LIX1: variants seen among roughly 807,000 people sequenced by gnomAD.
LIX1 encodes limb and CNS expressed 1, also known as protein limb expression 1 homolog.
Under a neutral mutation model 33.4 loss-of-function variants are expected in LIX1, and 24 were observed. The observed-to-expected ratio is 0.72, with a 90% CI of 0.52 to 1.01. LIX1 has a LOEUF of 1.01. LIX1 is among the 50% of genes least tolerant of loss of function. LIX1 has a pLI of 0.00. For synonymous variants in LIX1, 124 were observed against 124.0 expected, an observed-to-expected ratio of 1.00 and a Z score of 0.00; for missense variants, 311 against 339.2, an observed-to-expected ratio of 0.92 and a Z score of 0.65.
In LIX1 at chr5:97,142,610, G is replaced by C; in HGVS notation, c.-34C>G. On this transcript the variant is annotated 5_prime_UTR_variant, in exon 1 of 6. Coordinates refer to ENST00000274382, the MANE Select transcript of LIX1 (RefSeq NM_153234.5). ...TGCCTGTGTGAGCCTCCTGTACAGA[G>C]TGTCCTCATGCCTGAATTCTTGCAG... 1 of 1,530,488 alleles carries C rather than the reference G, an allele frequency of 6.5e-7. No individual in the cohort carries two copies. Among genetic ancestry groups the C allele is most frequent in the Non-Finnish European group, 9.1e-7 (1 of 1,104,292 alleles). 94.8% of individuals were successfully genotyped at this position (1,530,488 alleles called of 1,614,324 possible). A position where few individuals can be genotyped will look rare whatever the true frequency, so the allele number is the denominator to read the frequency against.
At chr5:97,135,435 A>G (rs1748151018) in intron 1 of LIX1, among the ~76,000 whole-genome samples, 1 of 152,240 alleles carries the variant, frequency 6.6e-6, no homozygotes, top group East Asian at 1.9e-4. Flanking sequence ...AAAGCTGCAT[A>G]AAATAGAAGC....
At chr5:97,127,648 C>T (rs1218947401) in intron 1 of LIX1, among the ~76,000 whole-genome samples, 2 of 152,140 alleles carry the variant, frequency 1.3e-5, no homozygotes, top group African/African-American at 4.8e-5. Context: ...GTAGCATCAA[C>T]AAGGTTTGTG....
intron 4 of LIX1, among the ~76,000 whole-genome samples, chr5:97,102,306 G>A (rs1006223495): frequency 6.6e-6 from 1 of 151,952 alleles, no homozygotes; most frequent in African/African-American, 2.4e-5. Flanking sequence ...GAATTGCTGT[G>A]TTGGCTGCAG....
chr5:97,111,467 G>A (rs745945174), intron 2 of LIX1, among the ~76,000 whole-genome samples: 14 of 152,128 alleles, frequency 9.2e-5, no homozygotes, highest in Non-Finnish European at 1.5e-4. Flanking sequence ...TTTTGCCTGA[G>A]CGTAGGGTAT....
intron 1 of LIX1, among the ~76,000 whole-genome samples, chr5:97,139,837 A>T (rs1435817090): frequency 6.6e-6 from 1 of 152,272 alleles, no homozygotes; most frequent in East Asian, 1.9e-4. Context: ...AAGAGAAAAT[A>T]AAAAAAGAAA....
In LIX1 at chr5:97,104,996, G is replaced by A. The variant is rs973289959; in HGVS notation, c.483+194C>T. On this transcript the variant is annotated intron_variant, in intron 4 of 5. Coordinates refer to ENST00000274382, the MANE Select transcript of LIX1 (RefSeq NM_153234.5). ...AAAGCAAAGATTGTTTCCTGATTGC[G>A]TGTTTGTTTACGCCTATGATGTGTG... is the stretch of plus-strand genomic sequence containing the variant. Among the ~76,000 whole-genome samples the A allele has an allele frequency of 5.9e-5, 9 of 152,260 alleles. No individual in the cohort carries two copies. In the South Asian group the frequency reaches 1.0e-3, roughly 18 times the overall value.
At chr5:97,110,778 G>A (rs1401154344) in intron 2 of LIX1, among the ~76,000 whole-genome samples, 1 of 152,110 alleles carries the variant, frequency 6.6e-6, no homozygotes, top group African/African-American at 2.4e-5. Context: ...GTTGAATGAA[G>A]AATGGAGCTA....
intron 2 of LIX1, among the ~76,000 whole-genome samples, chr5:97,109,385 C>T (rs918773796): frequency 2.0e-5 from 3 of 152,036 alleles, no homozygotes; most frequent in African/African-American, 4.8e-5. Context: ...TCCTGAGTAG[C>T]TGGGTCTACA....
chr5:97,138,359 G>A (rs550758456), intron 1 of LIX1, among the ~76,000 whole-genome samples: 3 of 152,316 alleles, frequency 2.0e-5, no homozygotes, highest in Non-Finnish European at 4.4e-5. Flanking sequence ...TCATAGGCAT[G>A]TTTGACATTT....
At chr5:97,116,439 G>A (rs923750106) in intron 2 of LIX1, among the ~76,000 whole-genome samples, 2 of 151,920 alleles carry the variant, frequency 1.3e-5, no homozygotes, top group Non-Finnish European at 2.9e-5. Context: ...GCTAGGTGTG[G>A]GGGAGGGGAC....
chr5:97,113,960 T>G (rs1747547984), intron 2 of LIX1, among the ~76,000 whole-genome samples: 1 of 152,192 alleles, frequency 6.6e-6, no homozygotes, highest in Non-Finnish European at 1.5e-5. Flanking sequence ...ATTATCTCAA[T>G]TTCCTCCTCC....
In LIX1 at chr5:97,128,929, C is replaced by T. The variant is rs138083322; in HGVS notation, c.83-4300G>A. On this transcript the variant is annotated intron_variant, in intron 1 of 5. Transcript: ENST00000274382. The stretch of plus-strand genomic sequence containing the variant: ...ATCCAACCTATACTCCCACTGTTTC[C>T]GGGGTAATATCACTGAATCTCATAG... Among the ~76,000 whole-genome samples, 99 of 152,254 alleles carry T rather than the reference C, an allele frequency of 6.5e-4. No individual in the cohort carries two copies. The East Asian group carries it at 0.011, about 17-fold the overall frequency.
At chr5:97,103,816 T>G (rs915925449) in intron 4 of LIX1, among the ~76,000 whole-genome samples, 2 of 151,800 alleles carry the variant, frequency 1.3e-5, no homozygotes, top group Admixed American at 6.6e-5. Context: ...ATACAAAAAA[T>G]TAGCCGGGCA....
intron 1 of LIX1, among the ~76,000 whole-genome samples, chr5:97,136,176 A>T (rs957636713): frequency 3.3e-5 from 5 of 152,220 alleles, no homozygotes; most frequent in African/African-American, 1.2e-4. Flanking sequence ...CCAACATGGC[A>T]TATGGAATGA....
intron 3 of LIX1, among the ~76,000 whole-genome samples, chr5:97,105,876 C>T (rs533306759): frequency 6.6e-6 from 1 of 152,108 alleles, no homozygotes; most frequent in Non-Finnish European, 1.5e-5. Flanking sequence ...TGGGGAATGG[C>T]GCTAAGAAGC....
intron 1 of LIX1, among the ~76,000 whole-genome samples, chr5:97,134,075 CT>C (rs1441597412): frequency 6.6e-6 from 1 of 152,158 alleles, no homozygotes; most frequent in Non-Finnish European, 1.5e-5. Context: ...ATTGGAAAGG[CT>C]GCCATTTAAG....
chr5:97,114,816 A>G (rs1410083083), intron 2 of LIX1, among the ~76,000 whole-genome samples: 32 of 152,228 alleles, frequency 2.1e-4, no homozygotes. Flanking sequence ...TTGTTTAAGA[A>G]AAACAATATG....
chr5:97,097,260 C>T (rs1313558183), intron 4 of LIX1, among the ~76,000 whole-genome samples: 2 of 152,066 alleles, frequency 1.3e-5, no homozygotes, highest in African/African-American at 2.4e-5. Flanking sequence ...TAAAATTGCT[C>T]GAGACTGACA....
At chr5:97,130,452 A>G (rs1358167533) in intron 1 of LIX1, among the ~76,000 whole-genome samples, 4 of 152,244 alleles carry the variant, frequency 2.6e-5, no homozygotes. Flanking sequence ...TCAGCCATAC[A>G]GCGAATCTAG....
Sources: allele counts gnomAD v4.1 joint callset (sites outside exome capture counted in the v4.1 genomes callset), GRCh38; gene constraint gnomAD v4.1.1; transcripts MANE v1.5; gene names NCBI Gene and HGNC (gene_info 2026-07-23, HGNC 2026-07-21).